Variants in GRIA4 observed in about 807,000 individuals in gnomAD.
GRIA4 encodes glutamate receptor 4.
GRIA4 carries 34 observed loss-of-function variants against 104.0 expected under a neutral mutation model. The observed-to-expected ratio is 0.33, with a 90% confidence interval of 0.25 to 0.44. The LOEUF (loss-of-function observed/expected upper bound fraction) is 0.44, where lower values mean the gene tolerates loss of function less well. Among genes scored for constraint, GRIA4 ranks in the 20% least tolerant of loss-of-function variants. The probability of loss-of-function intolerance (pLI) is 1.00; values close to 1 mark genes in which losing one functional copy is unlikely to be tolerated. For synonymous variants in GRIA4, 386 were observed against 381.9 expected, an observed-to-expected ratio of 1.01 and a Z score of -0.13; for missense variants, 750 against 1,096.5, an observed-to-expected ratio of 0.68 and a Z score of 4.46.
At chr11:105,781,889 C>T (rs2135775426) in intron 4 of GRIA4, among the ~76,000 whole-genome samples, 1 of 152,174 alleles carries the variant, frequency 6.6e-6, no homozygotes, top group East Asian at 1.9e-4. Flanking sequence ...TTACAATTAA[C>T]AAAAGGGTAT....
chr11:105,684,876 C>G (rs1952825190), intron 3 of GRIA4, among the ~76,000 whole-genome samples: 1 of 151,704 alleles, frequency 6.6e-6, no homozygotes, highest in East Asian at 1.9e-4. Context: ...TCCTGCCTTA[C>G]TAACTTACAT....
chr11:105,912,533 AAT>A (rs887784101), intron 10 of GRIA4: 12 of 259,950 alleles, frequency 4.6e-5, no homozygotes, highest in African/African-American at 9.4e-5. Flanking sequence ...TATATATATA[AAT>A]ATATATATAT....
At chr11:105,752,034 C>G (rs950345153) in intron 3 of GRIA4, among the ~76,000 whole-genome samples, 2 of 152,132 alleles carry the variant, frequency 1.3e-5, no homozygotes, top group Non-Finnish European at 2.9e-5. Context: ...ACCTCCTTTG[C>G]GAGCTTCTGT....
intron 3 of GRIA4, among the ~76,000 whole-genome samples, chr11:105,621,511 C>T (rs2135273559): frequency 6.6e-6 from 1 of 151,242 alleles, no homozygotes; most frequent in African/African-American, 2.4e-5. Context: ...TGGTTTATTT[C>T]TGTTAATCAT....
At chr11:105,687,779 A>G (rs1012552261) in intron 3 of GRIA4, among the ~76,000 whole-genome samples, 1 of 152,206 alleles carries the variant, frequency 6.6e-6, no homozygotes, top group Non-Finnish European at 1.5e-5. Flanking sequence ...CACTTGACAC[A>G]CTAAGATTTT....
intron 3 of GRIA4, among the ~76,000 whole-genome samples, chr11:105,736,117 A>G (rs995635255): frequency 6.6e-6 from 1 of 152,164 alleles, no homozygotes; most frequent in African/African-American, 2.4e-5. Flanking sequence ...ATTCTATAAA[A>G]AATTCAGAGT....
At chr11:105,730,348 A>G (rs1273565229) in intron 3 of GRIA4, among the ~76,000 whole-genome samples, 1 of 152,218 alleles carries the variant, frequency 6.6e-6, no homozygotes, top group Admixed American at 6.5e-5. Context: ...TTCTAGGAGA[A>G]CTACAAACCA....
In GRIA4 at chr11:105,981,361, T is replaced by C. The variant is rs1205000739; in HGVS notation, c.*1622T>C. The C allele has an allele frequency of 6.6e-6, 1 of 152,592 alleles. No homozygotes were observed. The highest frequency in any genetic ancestry group is 1.5e-5 in the Non-Finnish European group (1 of 68,040). 9.5% of individuals were successfully genotyped at this position (152,592 alleles called of 1,614,324 possible). ...TGTTAAGAGCCATATGAGTGAGCAG[T>C]GGCCCAAAGCCATGCACATCAGTGG... On this transcript the variant is annotated 3_prime_UTR_variant, in exon 17 of 17. Transcript: ENST00000282499.
intron 6 of GRIA4, among the ~76,000 whole-genome samples, chr11:105,895,078 C>T (rs1946601897): frequency 1.9e-5 from 2 of 102,914 alleles, no homozygotes; most frequent in South Asian, 2.7e-4. Context: ...GGATTACAGG[C>T]GTGAGCCACC....
intron 4 of GRIA4, among the ~76,000 whole-genome samples, chr11:105,812,624 T>A (rs1466690750): frequency 6.6e-6 from 1 of 152,074 alleles, no homozygotes; most frequent in Non-Finnish European, 1.5e-5. Flanking sequence ...GAACACAATG[T>A]CCCTCTTTCC....
At chr11:105,768,673 C>T (rs181298754) in intron 4 of GRIA4, among the ~76,000 whole-genome samples, 29 of 152,032 alleles carry the variant, frequency 1.9e-4, no homozygotes, top group Middle Eastern at 3.4e-3. Context: ...ATTGAAATTT[C>T]ACACATAGTA....
intron 3 of GRIA4, among the ~76,000 whole-genome samples, chr11:105,712,679 GTTT>G (rs1439229597): frequency 6.7e-6 from 1 of 149,140 alleles, no homozygotes. Context: ...TAGGTGTTTT[GTTT>G]TGTTTTGTTT....
chr11:105,926,859 G>C lies in GRIA4; in HGVS notation c.1966G>C (p.Glu656Gln), dbSNP rs935583367. The C allele has an allele frequency of 6.2e-7, 1 of 1,611,664 alleles. No individual in the cohort carries two copies. The highest frequency in any genetic ancestry group is 8.5e-7 in the Non-Finnish European group (1 of 1,178,134). ...LTVERMVSPI[E>Q]SAEDLAKQTE... The stretch of plus-strand genomic sequence containing the variant: ...GGTTGAGCGAATGGTCTCTCCCATA[G>C]AAAGTGCAGAAGACCTGGCCAAACA... The change falls in exon 13 of 17, where the codon GAA becomes CAA. Residue 656 changes from glutamate to glutamine, a missense_variant. Transcript: ENST00000282499.
At chr11:105,964,529 G>T (rs1948812921) in intron 14 of GRIA4, among the ~76,000 whole-genome samples, 1 of 152,104 alleles carries the variant, frequency 6.6e-6, no homozygotes, top group South Asian at 2.1e-4. Flanking sequence ...TTATTCAACT[G>T]CTATTTGATA....
intron 3 of GRIA4, among the ~76,000 whole-genome samples, chr11:105,704,552 C>G (rs1201821408): frequency 6.6e-6 from 1 of 151,688 alleles, no homozygotes; most frequent in African/African-American, 2.4e-5. Flanking sequence ...AAAATAGAGG[C>G]TTTTGAAAGG....
chr11:105,870,258 A>G (rs1474187060), intron 5 of GRIA4, among the ~76,000 whole-genome samples: 2 of 150,818 alleles, frequency 1.3e-5, no homozygotes, highest in Non-Finnish European at 3.0e-5. Context: ...TTCTAATTTT[A>G]TAATTAATTT....
chr11:105,889,841 C>T (rs1479473420), intron 6 of GRIA4, among the ~76,000 whole-genome samples: 5 of 152,034 alleles, frequency 3.3e-5, no homozygotes, highest in Admixed American at 3.3e-4. Flanking sequence ...GGTGAATATA[C>T]AACAGTTTAT....
chr11:105,673,390 T>C (rs1049181954), intron 3 of GRIA4, among the ~76,000 whole-genome samples: 1 of 152,128 alleles, frequency 6.6e-6, no homozygotes, highest in Non-Finnish European at 1.5e-5. Context: ...AGTCATGTAG[T>C]AAGTGCTTAA....
chr11:105,659,611 T>A (rs1333391560), intron 3 of GRIA4, among the ~76,000 whole-genome samples: 1 of 151,914 alleles, frequency 6.6e-6, no homozygotes, highest in African/African-American at 2.4e-5. Context: ...CCATACTGTG[T>A]AAGCCACTTT....
Sources: gnomAD v4.1 joint callset for allele counts (sites outside exome capture counted in the v4.1 genomes callset) on GRCh38, gnomAD v4.1.1 for gene constraint, MANE v1.5 for transcripts, NCBI Gene and HGNC (gene_info 2026-07-23, HGNC 2026-07-21) for gene names.